STXBP5L: variants seen among roughly 807,000 people sequenced by gnomAD.
STXBP5L encodes syntaxin binding protein 5L.
A neutral mutation model predicts 144.5 loss-of-function variants in STXBP5L; 65 were observed. That is an observed-to-expected ratio of 0.45 (90% CI 0.37 to 0.55). The LOEUF is 0.55. Among genes scored for constraint, STXBP5L ranks in the 20% least tolerant of loss-of-function variants. The pLI is 0.00. For missense variants in STXBP5L, 1,298 were observed against 1,405.5 expected (o/e 0.92, Z 1.22); for synonymous variants, 505 against 469.6 (o/e 1.08, Z -0.97).
rs964069214 is a variant in STXBP5L at position 121,377,639 on chromosome 3, T to C, written c.2177-1077T>C. On this transcript the variant is annotated intron_variant, in intron 20 of 26. Transcript: ENST00000471454. ...ACAATGAGATACCATCTCAGGCCAG[T>C]TAGAATGGCAATCATTAAAAAGTCA... Among the ~76,000 whole-genome samples the C allele has an allele frequency of 1.4e-4, 22 of 152,284 alleles. No individual in the cohort carries two copies. The East Asian group carries it at 4.2e-3, about 29-fold the overall frequency.
At chr3:121,228,956 A>C (rs984887108) in intron 11 of STXBP5L, among the ~76,000 whole-genome samples, 1 of 152,196 alleles carries the variant, frequency 6.6e-6, no homozygotes, top group Non-Finnish European at 1.5e-5. Flanking sequence ...ACTTTGTATC[A>C]GTGTATTTTA....
At chr3:121,221,394 A>G (rs1408973691) in intron 10 of STXBP5L, among the ~76,000 whole-genome samples, 1 of 151,808 alleles carries the variant, frequency 6.6e-6, no homozygotes, top group South Asian at 2.1e-4. Context: ...TTAGGGGATG[A>G]GAGTAAATTC....
At chr3:120,997,745 T>C (rs1943463857) in intron 3 of STXBP5L, among the ~76,000 whole-genome samples, 2 of 152,152 alleles carry the variant, frequency 1.3e-5, no homozygotes, top group East Asian at 3.8e-4. Context: ...ACTCTGTTGA[T>C]AGTTTCCTGT....
Position 121,152,360 on chromosome 3 carries a change from T to G in STXBP5L, c.670-117T>G, listed in dbSNP as rs1577069804. The stretch of plus-strand genomic sequence containing the variant: ...ACCTATATTCAAGTTCTAGAAAAAT[T>G]TATTCTAAATAAGGATGTTATGTGG... On this transcript the variant is annotated intron_variant, in intron 7 of 26. Transcript: ENST00000471454. The G allele has an allele frequency of 2.2e-5, 16 of 743,342 alleles. No homozygotes were observed. The East Asian group carries it at 4.1e-4, about 19-fold the overall frequency. 46.0% of individuals were successfully genotyped at this position (743,342 alleles called of 1,614,324 possible).
intron 9 of STXBP5L, among the ~76,000 whole-genome samples, chr3:121,192,472 T>C (rs1291896517): frequency 6.6e-6 from 1 of 152,208 alleles, no homozygotes; most frequent in Non-Finnish European, 1.5e-5. Flanking sequence ...AAAACACTAC[T>C]TTAAAGTTCA....
intron 10 of STXBP5L, among the ~76,000 whole-genome samples, chr3:121,220,820 T>C (rs1257665887): frequency 6.6e-6 from 1 of 152,066 alleles, no homozygotes; most frequent in Non-Finnish European, 1.5e-5. Flanking sequence ...TGGACAAGTT[T>C]AATCTGCATT....
chr3:121,223,375 A>G (rs1222368244), intron 11 of STXBP5L, among the ~76,000 whole-genome samples: 2 of 152,178 alleles, frequency 1.3e-5, no homozygotes, highest in African/African-American at 2.4e-5. Context: ...ATATCAGGTA[A>G]GTGCTTTAAA....
intron 19 of STXBP5L, among the ~76,000 whole-genome samples, chr3:121,315,337 G>A (rs899657247): frequency 2.6e-5 from 4 of 151,976 alleles, no homozygotes; most frequent in Non-Finnish European, 5.9e-5. Context: ...CCTTTGTAGG[G>A]ACATGGATGA....
At chr3:121,102,380 C>A (rs1468453322) in intron 5 of STXBP5L, among the ~76,000 whole-genome samples, 1 of 152,026 alleles carries the variant, frequency 6.6e-6, no homozygotes, top group African/African-American at 2.4e-5. Flanking sequence ...ACCAATGGAA[C>A]AGAATAGAGA....
intron 10 of STXBP5L, among the ~76,000 whole-genome samples, chr3:121,212,862 C>T (rs543951726): frequency 6.6e-6 from 1 of 152,182 alleles, no homozygotes; most frequent in African/African-American, 2.4e-5. Context: ...AATGCTTTTC[C>T]ATTTGTTTGT....
At chr3:121,161,416 C>T (rs979143604) in intron 9 of STXBP5L, among the ~76,000 whole-genome samples, 21 of 151,912 alleles carry the variant, frequency 1.4e-4, no homozygotes, top group Non-Finnish European at 2.5e-4. Flanking sequence ...TTTGCTTCCT[C>T]TTTATATAAT....
intron 3 of STXBP5L, among the ~76,000 whole-genome samples, chr3:120,985,587 A>T (rs1942213414): frequency 6.6e-6 from 1 of 151,492 alleles, no homozygotes; most frequent in Admixed American, 6.6e-5. Context: ...TTGACAACTG[A>T]GTCAATTTCT....
chr3:121,182,100 G>A (rs1467884593), intron 9 of STXBP5L, among the ~76,000 whole-genome samples: 2 of 152,146 alleles, frequency 1.3e-5, no homozygotes, highest in Non-Finnish European at 2.9e-5. Flanking sequence ...TCCACTGACA[G>A]CACTACACAG....
chr3:120,963,442 T>G (rs1355716054), intron 3 of STXBP5L, among the ~76,000 whole-genome samples: 2 of 152,242 alleles, frequency 1.3e-5, no homozygotes, highest in African/African-American at 4.8e-5. Context: ...TTGAGATATG[T>G]GCCATCAATA....
intron 5 of STXBP5L, among the ~76,000 whole-genome samples, chr3:121,053,241 A>G (rs969082296): frequency 2.0e-5 from 3 of 152,260 alleles, no homozygotes; most frequent in African/African-American, 4.8e-5. Flanking sequence ...GGAAAAAACT[A>G]CTTTAAAGTT....
intron 10 of STXBP5L, among the ~76,000 whole-genome samples, chr3:121,219,473 G>A (rs1033018960): frequency 6.6e-6 from 1 of 152,088 alleles, no homozygotes; most frequent in Non-Finnish European, 1.5e-5. Flanking sequence ...CCAGCCAATC[G>A]CAGACTTGCT....
intron 9 of STXBP5L, among the ~76,000 whole-genome samples, chr3:121,186,835 A>G (rs1269533965): frequency 6.6e-6 from 1 of 152,206 alleles, no homozygotes; most frequent in Non-Finnish European, 1.5e-5. Flanking sequence ...ACTGGCCATC[A>G]GGGAAATGCA....
At chr3:120,909,343 C>G (rs1432984081) in intron 1 of STXBP5L, among the ~76,000 whole-genome samples, 1 of 152,112 alleles carries the variant, frequency 6.6e-6, no homozygotes, top group Non-Finnish European at 1.5e-5. Flanking sequence ...GGAGGGAATA[C>G]TGTTGCTTTT....
chr3:121,065,471 TA>T (rs2041500685), intron 5 of STXBP5L, among the ~76,000 whole-genome samples: 1 of 152,228 alleles, frequency 6.6e-6, no homozygotes, highest in Non-Finnish European at 1.5e-5. Context: ...TCTATTGCTA[TA>T]TAACAATGTT....
Sources: allele counts gnomAD v4.1 joint callset (sites outside exome capture counted in the v4.1 genomes callset), GRCh38; gene constraint gnomAD v4.1.1; transcripts MANE v1.5; gene names NCBI Gene and HGNC (gene_info 2026-07-23, HGNC 2026-07-21).